PALLD: variants seen among roughly 807,000 people sequenced by gnomAD.
The protein encoded by PALLD is palladin.
A neutral mutation model predicts 123.5 loss-of-function variants in PALLD; 61 were observed. The ratio of observed to expected loss-of-function variants is 0.49; its 90% CI spans 0.40 to 0.61. PALLD has a LOEUF of 0.61. Ranked by LOEUF, PALLD falls within the 20% of genes least tolerant of loss-of-function variation. The probability of loss-of-function intolerance (pLI) is 0.00; values close to 1 mark genes in which losing one functional copy is unlikely to be tolerated. For synonymous variants in PALLD, 465 were observed against 496.4 expected (o/e 0.94, Z 0.84); for missense variants, 1,273 against 1,377.0 (o/e 0.92, Z 1.20).
At chr4:168,793,904 C>G (rs1738006811) in intron 10 of PALLD, among the ~76,000 whole-genome samples, 2 of 152,208 alleles carry the variant, frequency 1.3e-5, no homozygotes, top group Non-Finnish European at 2.9e-5. Flanking sequence ...GTCATCTAAA[C>G]TTGGGTCTAG....
intron 10 of PALLD, among the ~76,000 whole-genome samples, chr4:168,763,050 A>T (rs1733169469): frequency 6.6e-6 from 1 of 152,206 alleles, no homozygotes; most frequent in Non-Finnish European, 1.5e-5. Context: ...GGAGGGAAGC[A>T]TTAGGAGAAA....
intron 2 of PALLD, among the ~76,000 whole-genome samples, chr4:168,542,607 A>T (rs1765725824): frequency 2.0e-5 from 3 of 149,322 alleles, no homozygotes; most frequent in Admixed American, 2.0e-4. Flanking sequence ...AAATTATACC[A>T]TGACTACTTA....
chr4:168,771,067 AAAAAAAAAC>A (rs1734351532), intron 10 of PALLD, among the ~76,000 whole-genome samples: 2 of 67,526 alleles, frequency 3.0e-5, no homozygotes, highest in African/African-American at 5.8e-5. Context: ...CATCTCAAAA[AAAAAAAAAC>A]AAAAAAAAAA....
chr4:168,854,872 A>C (rs1748351491), intron 10 of PALLD, among the ~76,000 whole-genome samples: 3 of 152,206 alleles, frequency 2.0e-5, no homozygotes, highest in African/African-American at 7.2e-5. Context: ...GGAGGGAAGC[A>C]ACCCAGGTAC....
At chr4:168,782,353 G>C (rs1442565850) in intron 10 of PALLD, among the ~76,000 whole-genome samples, 2 of 152,162 alleles carry the variant, frequency 1.3e-5, no homozygotes, top group Non-Finnish European at 2.9e-5. Flanking sequence ...AAAATAGGCA[G>C]ATAGTGTCTA....
chr4:168,747,231 A>G (rs1344541214), intron 10 of PALLD, among the ~76,000 whole-genome samples: 1 of 152,232 alleles, frequency 6.6e-6, no homozygotes, highest in Non-Finnish European at 1.5e-5. Flanking sequence ...ATAAAAGGGT[A>G]GATCACTTGC....
intron 10 of PALLD, among the ~76,000 whole-genome samples, chr4:168,781,207 A>G (rs1244144658): frequency 3.9e-5 from 6 of 152,216 alleles, no homozygotes. Flanking sequence ...CATGGAATCA[A>G]AATTAGGAGA....
intron 10 of PALLD, among the ~76,000 whole-genome samples, chr4:168,733,009 A>G (rs1310173785): frequency 6.6e-6 from 1 of 152,192 alleles, no homozygotes; most frequent in East Asian, 1.9e-4. Context: ...GTTAAAAGAA[A>G]TGTTTAGGAC....
intron 2 of PALLD, among the ~76,000 whole-genome samples, chr4:168,570,678 A>T (rs1451525154): frequency 6.6e-6 from 1 of 152,200 alleles, no homozygotes; most frequent in Non-Finnish European, 1.5e-5. Flanking sequence ...CAAAGATCCA[A>T]GCCAAAAGCA....
chr4:168,720,121 G>C (rs773781188), intron 10 of PALLD, among the ~76,000 whole-genome samples: 39 of 152,208 alleles, frequency 2.6e-4, no homozygotes, highest in Non-Finnish European at 5.6e-4. Flanking sequence ...GACAAGAGCA[G>C]TACCTTTGAA....
In PALLD at chr4:168,816,413, A is replaced by ATTTTTTTT. The variant is rs1554088403; in HGVS notation, c.1965-74508_1965-74501dup. The stretch of plus-strand genomic sequence containing the variant: ...TGTATATATATATATATATATATAT[A>ATTTTTTTT]TTTTTTTTAAGTATTAGATTGGAGT... On this transcript the variant is annotated intron_variant, in intron 10 of 21. Coordinates refer to ENST00000505667, the MANE Select transcript of PALLD (RefSeq NM_001166108.2). 6.0e-3 allele frequency among the ~76,000 whole-genome samples: 815 copies of ATTTTTTTT among 135,938 alleles called. 22 individuals are homozygous for ATTTTTTTT. In the East Asian group the frequency reaches 0.11, roughly 18 times the overall value. 89.2% of individuals were successfully genotyped at this position (135,938 alleles called of 152,430 possible).
chr4:168,538,463 TAAAA>T (rs1765296906), intron 2 of PALLD, among the ~76,000 whole-genome samples: 1 of 151,484 alleles, frequency 6.6e-6, no homozygotes, highest in Non-Finnish European at 1.5e-5. Flanking sequence ...TAAAATAAAA[TAAAA>T]TTTTATTTTA....
chr4:168,883,211 T>C (rs1276080170), intron 10 of PALLD, among the ~76,000 whole-genome samples: 1 of 152,188 alleles, frequency 6.6e-6, no homozygotes, highest in Non-Finnish European at 1.5e-5. Context: ...AATATGAGCT[T>C]AAGTTACCCA....
intron 2 of PALLD, among the ~76,000 whole-genome samples, chr4:168,578,487 C>A (rs1039312937): frequency 6.6e-6 from 1 of 152,020 alleles, no homozygotes; most frequent in African/African-American, 2.4e-5. Context: ...TGAAGAAGGA[C>A]ATGTTTGCTT....
rs148155834 is a variant in PALLD at position 168,668,293 on chromosome 4, G to A, written c.1012G>A (p.Asp338Asn). 3.1e-6 allele frequency: 5 copies of A among 1,613,916 alleles called. No individual in the cohort carries two copies. The highest frequency in any genetic ancestry group is 1.1e-5 in the South Asian group (1 of 91,052). ...GATCATAGCAGAGGCCTTTGAGGAC[G>A]ACACAGGTCGCTACACCTGTTTGGC... ...TLIIAEAFED[D>N]TGRYTCLATN... Residue 338 changes from aspartate (D) to asparagine (N), a missense_variant, in exon 3 of 22, where the codon GAC (aspartate) becomes AAC (asparagine). By Grantham distance (23) the Asp-to-Asn change is conservative. Coordinates refer to ENST00000505667, the MANE Select transcript of PALLD (RefSeq NM_001166108.2).
chr4:168,704,077 C>G (rs1581055189), intron 8 of PALLD, among the ~76,000 whole-genome samples: 1 of 151,926 alleles, frequency 6.6e-6, no homozygotes, highest in Non-Finnish European at 1.5e-5. Context: ...GAAATAACGC[C>G]ACATATCTAC....
intron 2 of PALLD, among the ~76,000 whole-genome samples, chr4:168,541,508 C>G (rs1765611621): frequency 6.8e-6 from 1 of 146,524 alleles, no homozygotes; most frequent in Non-Finnish European, 1.6e-5. Context: ...CAGTCTTACT[C>G]TGTCGCCCAG....
At chr4:168,616,716 T>G (rs947989546) in intron 2 of PALLD, among the ~76,000 whole-genome samples, 1 of 152,198 alleles carries the variant, frequency 6.6e-6, no homozygotes, top group African/African-American at 2.4e-5. Flanking sequence ...ATCCCAAGTC[T>G]GCTAAATCAG....
chr4:168,800,465 C>T (rs187975382), intron 10 of PALLD, among the ~76,000 whole-genome samples: 2 of 152,142 alleles, frequency 1.3e-5, no homozygotes, highest in South Asian at 2.1e-4. Flanking sequence ...AGAACAGCCA[C>T]TTCACCAAAG....
Sources: gnomAD v4.1 joint callset for allele counts (sites outside exome capture counted in the v4.1 genomes callset) on GRCh38, gnomAD v4.1.1 for gene constraint, MANE v1.5 for transcripts, NCBI Gene and HGNC (gene_info 2026-07-23, HGNC 2026-07-21) for gene names.